Variants in KLHL1 observed in about 807,000 individuals in gnomAD.
KLHL1 encodes the protein kelch-like protein 1.
In KLHL1, 47 loss-of-function variants were observed where a neutral mutation model predicts 77.7. The observed-to-expected ratio is 0.60, with a 90% CI of 0.48 to 0.77. The LOEUF is 0.77. Ranked by LOEUF, KLHL1 falls within the 30% of genes least tolerant of loss-of-function variation. KLHL1 has a pLI of 0.00. For missense variants in KLHL1, 925 were observed against 910.8 expected (o/e 1.02, Z -0.20); for synonymous variants, 360 against 325.2 (o/e 1.11, Z -1.15).
At chr13:69,845,883 C>A (rs557903169) in intron 5 of KLHL1, among the ~76,000 whole-genome samples, 5 of 150,624 alleles carry the variant, frequency 3.3e-5, no homozygotes, top group African/African-American at 9.7e-5. Flanking sequence ...TCAGAGATGT[C>A]GATATTTGAA....
At chr13:70,095,951 C>A (rs1055670300) in intron 1 of KLHL1, among the ~76,000 whole-genome samples, 2 of 151,820 alleles carry the variant, frequency 1.3e-5, no homozygotes, top group Non-Finnish European at 2.9e-5. Flanking sequence ...CAATATTTGT[C>A]TTTCTGTGTC....
intron 1 of KLHL1, among the ~76,000 whole-genome samples, chr13:70,096,340 T>C (rs1443935154): frequency 2.6e-5 from 4 of 152,202 alleles, no homozygotes; most frequent in African/African-American, 7.2e-5. Flanking sequence ...TTTCTCTGCA[T>C]CCTCACCAGC....
intron 1 of KLHL1, among the ~76,000 whole-genome samples, chr13:69,990,462 AG>A (rs913310534): frequency 4.6e-5 from 7 of 152,104 alleles, no homozygotes; most frequent in African/African-American, 1.7e-4. Flanking sequence ...CTCAAAATAA[AG>A]GGATGAAGAA....
chr13:70,006,645 C>T (rs1172580570), intron 1 of KLHL1, among the ~76,000 whole-genome samples: 2 of 151,534 alleles, frequency 1.3e-5, no homozygotes, highest in Non-Finnish European at 2.9e-5. Context: ...TATAAGATGC[C>T]CCTTACTGGA....
At chr13:70,043,128 C>T (rs935855672) in intron 1 of KLHL1, among the ~76,000 whole-genome samples, 6 of 152,190 alleles carry the variant, frequency 3.9e-5, no homozygotes, top group African/African-American at 1.4e-4. Context: ...TGATCTCGAA[C>T]TCCCGACCTC....
intron 2 of KLHL1, among the ~76,000 whole-genome samples, chr13:69,971,402 T>A (rs1884377534): frequency 6.6e-6 from 1 of 152,030 alleles, no homozygotes; most frequent in Non-Finnish European, 1.5e-5. Flanking sequence ...GTAAAAAACT[T>A]ATCTACTGGC....
chr13:69,798,764 A>T (rs950170169), intron 6 of KLHL1, among the ~76,000 whole-genome samples: 4 of 150,382 alleles, frequency 2.7e-5, no homozygotes, highest in African/African-American at 1.0e-4. Flanking sequence ...TGCATAACTA[A>T]AAATTAAGAG....
intron 3 of KLHL1, among the ~76,000 whole-genome samples, chr13:69,958,756 A>T (rs1380372398): frequency 6.6e-6 from 1 of 151,712 alleles, no homozygotes; most frequent in Non-Finnish European, 1.5e-5. Context: ...AAAAATACAT[A>T]TTATCAAATG....
At chr13:69,786,858 C>T (rs1008197931) in intron 7 of KLHL1, among the ~76,000 whole-genome samples, 2 of 152,080 alleles carry the variant, frequency 1.3e-5, no homozygotes, top group African/African-American at 4.8e-5. Context: ...TCTTATACAC[C>T]AATAACAGAC....
At chr13:69,780,755 T>TAC (rs1170727429) in intron 7 of KLHL1, among the ~76,000 whole-genome samples, 5 of 128,034 alleles carry the variant, frequency 3.9e-5, no homozygotes, top group African/African-American at 1.5e-4. Flanking sequence ...CATATATATA[T>TAC]ATACACACAC....
chr13:69,997,616 T>C (rs1359477838), intron 1 of KLHL1, among the ~76,000 whole-genome samples: 1 of 149,998 alleles, frequency 6.7e-6, no homozygotes, highest in African/African-American at 2.4e-5. Flanking sequence ...GATTCATCTA[T>C]GTTGTTGTAT....
chr13:69,807,382 A>G (rs1877661210), intron 6 of KLHL1, among the ~76,000 whole-genome samples: 1 of 152,084 alleles, frequency 6.6e-6, no homozygotes, highest in African/African-American at 2.4e-5. Context: ...AAATAAGGCC[A>G]TCCTAGGTAT....
At position 69,779,880 on chromosome 13, in the gene KLHL1, G is replaced by A. The variant is rs533586783; in HGVS notation, c.1639+16858C>T. Among the ~76,000 whole-genome samples the A allele has an allele frequency of 8.1e-4, 123 of 151,962 alleles. 1 individual carries two copies. The South Asian group carries it at 0.02, about 25-fold the overall frequency. ...GGCTGGAGTGCAATGGTGCGATCTC[G>A]GCTCACTGCAACCTCCACCTGCCAG... On this transcript the variant is annotated intron_variant, in intron 7 of 10. Transcript: ENST00000377844.
chr13:69,842,281 A>G (rs1023600627), intron 5 of KLHL1, among the ~76,000 whole-genome samples: 2 of 151,834 alleles, frequency 1.3e-5, no homozygotes, highest in African/African-American at 4.8e-5. Flanking sequence ...GAGAAATATT[A>G]GCAAATTATT....
chr13:69,926,450 C>A (rs193103902), intron 4 of KLHL1, among the ~76,000 whole-genome samples: 2 of 152,016 alleles, frequency 1.3e-5, no homozygotes, highest in Non-Finnish European at 1.5e-5. Flanking sequence ...AAAATAAGAA[C>A]CTCGATTTCC....
At chr13:69,793,343 T>G (rs913408140) in intron 7 of KLHL1, among the ~76,000 whole-genome samples, 8 of 152,038 alleles carry the variant, frequency 5.3e-5, no homozygotes, top group Admixed American at 6.6e-5. Context: ...TGGGCAGATC[T>G]TTGCTCCCTT....
rs117584108 is a variant in KLHL1 at position 69,930,792 on chromosome 13, A to G, written c.1014+9248T>C. Among the ~76,000 whole-genome samples, 390 of 151,868 alleles carry G rather than the reference A, an allele frequency of 2.6e-3. 1 individual carries two copies. The highest frequency in any genetic ancestry group is 0.01 in the Middle Eastern group (3 of 294). ...TAAAACAATCCAAACTAAGGCCATT[A>G]TAGAATTCATTCCTTAAAACTACAG... On this transcript the variant is annotated intron_variant, in intron 4 of 10. Transcript: ENST00000377844.
intron 1 of KLHL1, among the ~76,000 whole-genome samples, chr13:70,064,462 T>C (rs934716228): frequency 3.9e-5 from 6 of 152,168 alleles, no homozygotes; most frequent in African/African-American, 1.4e-4. Flanking sequence ...TGTAGTGTGT[T>C]TTATGTTAAC....
intron 1 of KLHL1, among the ~76,000 whole-genome samples, chr13:70,086,094 T>C (rs1360599200): frequency 6.6e-6 from 1 of 152,086 alleles, no homozygotes; most frequent in Non-Finnish European, 1.5e-5. Context: ...CTAATGGAAA[T>C]GTACCTACAG....
Sources: allele counts gnomAD v4.1 joint callset (sites outside exome capture counted in the v4.1 genomes callset), GRCh38; gene constraint gnomAD v4.1.1; transcripts MANE v1.5; gene names NCBI Gene and HGNC (gene_info 2026-07-23, HGNC 2026-07-21).